The following DLG2 variants were observed in gnomAD, a reference collection of about 807,000 sequenced individuals.
The protein encoded by DLG2 is disks large homolog 2.
DLG2 carries 45 observed loss-of-function variants against 132.5 expected under a neutral mutation model. The observed-to-expected ratio is 0.34, with a 90% confidence interval of 0.27 to 0.44. The LOEUF (loss-of-function observed/expected upper bound fraction) is 0.44, where lower values mean the gene tolerates loss of function less well. Among genes scored for constraint, DLG2 ranks in the 20% least tolerant of loss-of-function variants. The pLI, the probability that DLG2 is intolerant of heterozygous loss-of-function variation, is 1.00. For missense variants in DLG2, 1,045 were observed against 1,196.9 expected (o/e 0.87, Z 1.87); for synonymous variants, 424 against 419.6 (o/e 1.01, Z -0.13).
At chr11:85,002,383 T>C (rs140789332) in intron 6 of DLG2, among the ~76,000 whole-genome samples, 12 of 152,276 alleles carry the variant, frequency 7.9e-5, no homozygotes, top group African/African-American at 2.6e-4. Flanking sequence ...GCTTAGCCAG[T>C]TGAAAGAGAA....
chr11:84,639,425 C>T lies in DLG2; in HGVS notation c.358-104694G>A, dbSNP rs191583969. 3.8e-3 allele frequency among the ~76,000 whole-genome samples: 552 copies of T among 146,970 alleles called. 2 individuals carry two copies. The highest frequency in any genetic ancestry group is 5.6e-3 in the Non-Finnish European group (374 of 67,248). On this transcript the variant is annotated intron_variant, in intron 6 of 27. Transcript: ENST00000376104. Reference sequence around the variant, plus strand: ...TAAAACCAAAGAATCATTAAGGCTTCTACAAATAAAGCATAAACAAATAAT... The same window carrying T: ...TAAAACCAAAGAATCATTAAGGCTTTTACAAATAAAGCATAAACAAATAAT...
chr11:83,952,560 T>C (rs779243185), intron 14 of DLG2, among the ~76,000 whole-genome samples: 7 of 152,172 alleles, frequency 4.6e-5, no homozygotes, highest in Non-Finnish European at 8.8e-5. Context: ...AAAATAAATG[T>C]CTATTAATAG....
chr11:85,183,527 A>G (rs1027261614), intron 4 of DLG2, among the ~76,000 whole-genome samples: 2 of 151,950 alleles, frequency 1.3e-5, no homozygotes, highest in African/African-American at 4.8e-5. Context: ...AAATGACAAC[A>G]AAACCATTGC....
intron 18 of DLG2, among the ~76,000 whole-genome samples, chr11:83,762,597 T>C (rs79710759): frequency 1.3e-5 from 2 of 152,042 alleles, no homozygotes; most frequent in African/African-American, 4.8e-5. Context: ...TTTTTTTTTT[T>C]TGAGACGGAG....
chr11:84,990,727 G>T (rs113584658), intron 6 of DLG2, among the ~76,000 whole-genome samples: 2 of 130,762 alleles, frequency 1.5e-5, no homozygotes, highest in Non-Finnish European at 3.3e-5. Context: ...AGAATGCAGA[G>T]AAACTAGATC....
chr11:84,949,603 G>T (rs987294115), intron 6 of DLG2, among the ~76,000 whole-genome samples: 4 of 152,130 alleles, frequency 2.6e-5, no homozygotes, highest in African/African-American at 7.2e-5. Context: ...CTGAGAAAAA[G>T]AATTCAGCAA....
At chr11:85,005,958 C>CT (rs1387246654) in intron 6 of DLG2, among the ~76,000 whole-genome samples, 2 of 152,124 alleles carry the variant, frequency 1.3e-5, no homozygotes, top group African/African-American at 4.8e-5. Context: ...TATCGAAGGC[C>CT]TTTTCTGCAT....
At chr11:84,484,398 A>G (rs974455901) in intron 7 of DLG2, among the ~76,000 whole-genome samples, 1 of 152,128 alleles carries the variant, frequency 6.6e-6, no homozygotes. Context: ...TTTGAGAGAT[A>G]AATCCATCTT....
chr11:84,540,703 A>C (rs2099366498), intron 6 of DLG2, among the ~76,000 whole-genome samples: 1 of 152,214 alleles, frequency 6.6e-6, no homozygotes, highest in African/African-American at 2.4e-5. Context: ...ACATACCCAA[A>C]GGATTATAAA....
At chr11:84,665,408 C>CT (rs1381042150) in intron 6 of DLG2, among the ~76,000 whole-genome samples, 1 of 152,120 alleles carries the variant, frequency 6.6e-6, no homozygotes, top group African/African-American at 2.4e-5. Context: ...GCTTCAGAGG[C>CT]TAAGATCTTA....
At chr11:85,515,588 T>C (rs1192610185) in intron 3 of DLG2, among the ~76,000 whole-genome samples, 2 of 152,012 alleles carry the variant, frequency 1.3e-5, no homozygotes, top group Non-Finnish European at 2.9e-5. Flanking sequence ...CAAAATAATA[T>C]GGGTTACTAC....
intron 6 of DLG2, among the ~76,000 whole-genome samples, chr11:84,868,622 T>C (rs1427809627): frequency 1.3e-5 from 2 of 152,120 alleles, no homozygotes; most frequent in Admixed American, 6.5e-5. Flanking sequence ...AGTGTGTAGA[T>C]GTTGTAAACA....
rs61554146 is a variant in DLG2, at chr11:85,275,278, A to G, written c.186+9942T>C. Reference sequence around the variant, plus strand: ...CAAGACAACTCGGGTTTTTCTGCTAATATGATATCTGGTATTATATTCATG... The same window carrying G: ...CAAGACAACTCGGGTTTTTCTGCTAGTATGATATCTGGTATTATATTCATG... On this transcript the variant is annotated intron_variant, in intron 4 of 27. Transcript: ENST00000376104. 2.5e-3 allele frequency among the ~76,000 whole-genome samples: 384 copies of G among 152,292 alleles called. 3 individuals carry two copies. Among genetic ancestry groups the G allele is most frequent in the African/African-American group, 8.8e-3 (367 of 41,578 alleles).
chr11:84,041,185 AT>A (rs1421525275), intron 11 of DLG2, among the ~76,000 whole-genome samples: 28 of 152,008 alleles, frequency 1.8e-4, no homozygotes, highest in African/African-American at 6.5e-4. Flanking sequence ...ATGCAATACA[AT>A]TATTGTAGCT....
chr11:84,510,959 C>A (rs1299565535), intron 7 of DLG2, among the ~76,000 whole-genome samples: 1 of 152,014 alleles, frequency 6.6e-6, no homozygotes, highest in East Asian at 1.9e-4. Context: ...AAAGAGGAGA[C>A]CCCTACCAGG....
chr11:85,286,415 T>C (rs1278279510), intron 3 of DLG2, among the ~76,000 whole-genome samples: 1 of 152,104 alleles, frequency 6.6e-6, no homozygotes, highest in African/African-American at 2.4e-5. Flanking sequence ...GACATGTATA[T>C]ACACAAATCA....
At chr11:85,263,271 A>C (rs900779008) in intron 4 of DLG2, among the ~76,000 whole-genome samples, 3 of 152,212 alleles carry the variant, frequency 2.0e-5, no homozygotes, top group African/African-American at 7.2e-5. Context: ...TATCATTCCA[A>C]TGCTGTTTGA....
chr11:84,922,078 A>G (rs1291107159), intron 6 of DLG2, among the ~76,000 whole-genome samples: 4 of 152,156 alleles, frequency 2.6e-5, no homozygotes, highest in Non-Finnish European at 4.4e-5. Flanking sequence ...GAGTTCTTTA[A>G]TAAAACTTGC....
chr11:85,306,002 G>A (rs547863663), intron 3 of DLG2, among the ~76,000 whole-genome samples: 9 of 152,296 alleles, frequency 5.9e-5, no homozygotes, highest in African/African-American at 1.9e-4. Context: ...TTGGGTTTGA[G>A]TCCCAGCTCT....
Sources: allele counts gnomAD v4.1 joint callset (sites outside exome capture counted in the v4.1 genomes callset), GRCh38; gene constraint gnomAD v4.1.1; transcripts MANE v1.5; gene names NCBI Gene and HGNC (gene_info 2026-07-23, HGNC 2026-07-21).